The following NLRP12 variants were observed in gnomAD, a reference collection of about 807,000 sequenced individuals.
NLRP12 encodes NACHT, LRR and PYD domains-containing protein 12.
In NLRP12, 108 loss-of-function variants were observed where a neutral mutation model predicts 91.2. That is an observed-to-expected ratio of 1.18 (90% CI 1.01 to 1.39). The LOEUF (loss-of-function observed/expected upper bound fraction) is 1.39. Among genes scored for constraint, NLRP12 ranks in the 40% most tolerant of loss-of-function variants. NLRP12 has a pLI of 0.00. For missense variants in NLRP12, 1,530 were observed against 1,352.7 expected (o/e 1.13, Z -2.06); for synonymous variants, 613 against 566.7 (o/e 1.08, Z -1.16).
At position 53,801,344 on chromosome 19, in the gene NLRP12, A is replaced by G. The variant is rs1362149501; in HGVS notation, c.2639T>C (p.Leu880Pro). Residue 880 changes from leucine (L) to proline (P), a missense_variant, in exon 7 of 10, where the codon CTC becomes CCC. Physicochemically the swap from Leu to Pro is moderately conservative, Grantham distance 98. Coordinates refer to ENST00000324134, the MANE Select transcript of NLRP12 (RefSeq NM_144687.4). The part of the protein sequence containing the change: ...AAACDELAST[L>P]SVNQSLRELD... ...CTCTCTCAGGCTCTGGTTCACACTG[A>G]GAGTTGAGGCCAGCTCGTCACAGGC... 16 of 1,613,516 alleles carry G rather than the reference A, an allele frequency of 9.9e-6. No individual in the cohort carries two copies. Among genetic ancestry groups the G allele is most frequent in the Non-Finnish European group, 1.4e-5 (16 of 1,179,912 alleles).
intron 1 of NLRP12, among the ~76,000 whole-genome samples, chr19:53,823,498 A>AAATATATATAT (rs1568703260): frequency 1.8e-5 from 1 of 56,796 alleles, no homozygotes; most frequent in Non-Finnish European, 3.4e-5. Flanking sequence ...AAATATATTT[A>AAATATATATAT]TTTAAAATAT....
chr19:53,808,041 C>T (rs2091991286), intron 3 of NLRP12: 2 of 355,284 alleles, frequency 5.6e-6, no homozygotes, highest in East Asian at 7.4e-5. Flanking sequence ...TGAGCCACCA[C>T]ATCCGGCCAA....
At chr19:53,822,437 G>A (rs1033287138) in intron 1 of NLRP12, among the ~76,000 whole-genome samples, 1 of 151,738 alleles carries the variant, frequency 6.6e-6, no homozygotes, top group Non-Finnish European at 1.5e-5. Context: ...GGCAACATAA[G>A]GACACCTCAT....
At chr19:53,817,293 G>A (rs2092175580) in intron 1 of NLRP12, among the ~76,000 whole-genome samples, 2 of 152,128 alleles carry the variant, frequency 1.3e-5, no homozygotes, top group African/African-American at 4.8e-5. Context: ...AGCCAGGCAT[G>A]GTGGCGCGTG....
At chr19:53,797,403 A>G (rs8102894) in intron 8 of NLRP12, among the ~76,000 whole-genome samples, 72,169 of 151,690 alleles carry the variant, frequency 0.48, 17,390 homozygotes, top group African/African-American at 0.51. Flanking sequence ...GATTACAGGC[A>G]TGAGCCACTG....
rs771288501 is a variant in NLRP12 at position 53,810,384 on chromosome 19, T to C, written c.1275A>G (p.Arg425=). Residue 425 remains arginine (R), a synonymous_variant, in exon 3 of 10, where the codon AGA becomes AGG. Coordinates refer to ENST00000324134, the MANE Select transcript of NLRP12 (RefSeq NM_144687.4). ...QQQLEGGGLL[R]QTSRTTTAVY... ...CTGCAGTGGTGGTCCTGGACGTCTG[T>C]CTCAACAGCCCCCCACCCTCCAGCT... 20 of 1,613,524 alleles carry C rather than the reference T, an allele frequency of 1.2e-5. No individual in the cohort carries two copies. The highest frequency in any genetic ancestry group is 1.3e-5 in the Non-Finnish European group (15 of 1,179,982).
rs376521503 is a variant in NLRP12, at chr19:53,824,109, A to G, written c.66T>C (p.Ala22=). 1.5e-5 allele frequency: 25 copies of G among 1,613,920 alleles called. No individual in the cohort carries two copies. Among genetic ancestry groups the G allele is most frequent in the Non-Finnish European group, 2.1e-5 (25 of 1,180,010 alleles). The change falls in exon 1 of 10, where the codon GCT becomes GCC. Residue 22 remains alanine, a synonymous_variant. Transcript: ENST00000324134. ...ATAACTTGAACTTCTTCAGTTCCACAGCCTCGAGTTCTTCCAAGTAGGTGG... is the reference window on the plus strand; with the variant it reads ...ATAACTTGAACTTCTTCAGTTCCACGGCCTCGAGTTCTTCCAAGTAGGTGG... ...RLSTYLEELE[A]VELKKFKLYL... is the part of the protein sequence containing the mutation.
Position 53,810,068 on chromosome 19 carries a change from C to T in NLRP12, c.1591G>A (p.Gly531Arg), listed in dbSNP as rs566324385. The change falls in exon 3 of 10, where the codon GGG (glycine) becomes AGG (arginine). Residue 531 changes from glycine to arginine, a missense_variant. Transcript: ENST00000324134. Reference sequence around the variant, plus strand: ...TGGTCTGGGCCTGCCCCGCCCTCCCCCTCGTCCAGGATATAGTACATAGCT... The same window carrying T: ...TGGTCTGGGCCTGCCCCGCCCTCCCTCTCGTCCAGGATATAGTACATAGCT... ...FAAMYYILDE[G>R]EGGAGPDQDV... The T allele has an allele frequency of 3.1e-6, 5 of 1,614,136 alleles. No homozygotes were observed. The South Asian group carries it at 4.4e-5, about 14-fold the overall frequency.
chr19:53,809,756 C>G lies in NLRP12; in HGVS notation c.1903G>C (p.Val635Leu). 6.2e-7 allele frequency: 1 copy of G among 1,614,142 alleles called. No homozygotes were observed. Among genetic ancestry groups the G allele is most frequent in the Non-Finnish European group, 8.5e-7 (1 of 1,180,030 alleles). The change falls in exon 3 of 10, where the codon GTG (valine) becomes CTG (leucine). Residue 635 changes from valine (V) to leucine (L), a missense_variant. Coordinates refer to ENST00000324134, the MANE Select transcript of NLRP12 (RefSeq NM_144687.4). ...FIQQALSHFQ[V>L]IVVSNIASKM... Reference sequence around the variant, plus strand: ...GAGGCAATGTTGCTGACCACGATCACCTGGAAGTGGCTCAGGGCCTGCTGG... The same window carrying G: ...GAGGCAATGTTGCTGACCACGATCAGCTGGAAGTGGCTCAGGGCCTGCTGG...
chr19:53,809,775 C>T lies in NLRP12; in HGVS notation c.1884G>A (p.Gln628=), dbSNP rs745947638. Residue 628 remains glutamine (Q), a synonymous_variant, in exon 3 of 10, where the codon CAG becomes CAA. Coordinates refer to ENST00000324134, the MANE Select transcript of NLRP12 (RefSeq NM_144687.4). The part of the protein sequence containing the change: ...YEIQEEEFIQ[Q]ALSHFQVIVV... Reference sequence around the variant, plus strand: ...CGATCACCTGGAAGTGGCTCAGGGCCTGCTGGATAAACTCCTCCTCCTGGA... The same window carrying T: ...CGATCACCTGGAAGTGGCTCAGGGCTTGCTGGATAAACTCCTCCTCCTGGA... The T allele has an allele frequency of 1.2e-6, 2 of 1,614,102 alleles. No homozygotes were observed. Among genetic ancestry groups the T allele is most frequent in the Non-Finnish European group, 1.7e-6 (2 of 1,180,032 alleles).
rs59179749 is a variant in NLRP12 at position 53,815,225 on chromosome 19, C to CTTTTTT, written c.290-243_290-238dup. On this transcript the variant is annotated intron_variant, in intron 1 of 9. Transcript: ENST00000324134. ...TGGCACCTCCATCCATCCAATCAGTCTTTTTTTTTTTTTTTTTTTTTGAGA... is the reference window on the plus strand; with the variant it reads ...TGGCACCTCCATCCATCCAATCAGTCTTTTTTTTTTTTTTTTTTTTTTTTTTTGAGA... Among the ~76,000 whole-genome samples the CTTTTTT allele has an allele frequency of 2.8e-3, 270 of 96,956 alleles. 8 individuals carry two copies. The highest frequency in any genetic ancestry group is 3.1e-3 in the Non-Finnish European group (161 of 52,304). 63.6% of individuals were successfully genotyped at this position (96,956 alleles called of 152,430 possible). A position where few individuals can be genotyped will look rare whatever the true frequency, so the allele number is the denominator to read the frequency against.
intron 1 of NLRP12, among the ~76,000 whole-genome samples, chr19:53,823,456 A>G (rs1433465390): frequency 5.7e-3 from 83 of 14,472 alleles, no homozygotes; most frequent in African/African-American, 0.016. Flanking sequence ...TTAAATATAT[A>G]TTTTAAATAT....
At chr19:53,816,476 G>A (rs1468762802) in intron 1 of NLRP12, among the ~76,000 whole-genome samples, 3 of 151,462 alleles carry the variant, frequency 2.0e-5, no homozygotes, top group African/African-American at 4.9e-5. Flanking sequence ...TCTTTCCTCT[G>A]TTCAGTGCTG....
At chr19:53,820,391 G>A (rs1016034260) in intron 1 of NLRP12, among the ~76,000 whole-genome samples, 1 of 152,074 alleles carries the variant, frequency 6.6e-6, no homozygotes, top group Non-Finnish European at 1.5e-5. Flanking sequence ...TTAGCTGGGT[G>A]TGGTGGCACG....
At position 53,805,300 on chromosome 19, in the gene NLRP12, C is replaced by G. The variant is rs4806773; in HGVS notation, c.2394G>C (p.Gln798His). The G allele has an allele frequency of 1.2e-6, 2 of 1,613,902 alleles. No homozygotes were observed. The highest frequency in any genetic ancestry group is 1.7e-5 in the Admixed American group (1 of 59,966). ...CTCACTGAATCATCTGCAGCCTGCA[C>G]TGGGGATGCCGCAGGCCCTCGCAAA... is the stretch of plus-strand genomic sequence containing the variant. ...MLLCEGLRHPQCRLQMIQLRK... is the reference protein window; with the variant it reads ...MLLCEGLRHPHCRLQMIQLRK... Residue 798 changes from glutamine to histidine, a missense_variant, in exon 5 of 10, where the codon CAG (glutamine) becomes CAC (histidine). Physicochemically the swap from Gln to His is conservative, Grantham distance 24. Transcript: ENST00000324134.
chr19:53,811,226 C>T lies in NLRP12; in HGVS notation c.433G>A (p.Ala145Thr). The T allele has an allele frequency of 6.2e-7, 1 of 1,614,122 alleles. No individual in the cohort carries two copies. The part of the protein sequence containing the change: ...RKFRLMEDRN[A>T]RLGECVNLSH... Reference sequence around the variant, plus strand: ...AGGTTGACACATTCCCCTAGGCGCGCATTGCGGTCTTCCATGAGCCGGAAT... The same window carrying T: ...AGGTTGACACATTCCCCTAGGCGCGTATTGCGGTCTTCCATGAGCCGGAAT... The change falls in exon 3 of 10, where the codon GCG (alanine) becomes ACG (threonine). Residue 145 changes from alanine (A) to threonine (T), a missense_variant. Physicochemically the swap from Ala to Thr is moderately conservative, Grantham distance 58. Transcript: ENST00000324134.
chr19:53,809,856 GCT>G lies in NLRP12; in HGVS notation c.1801_1802del (p.Ser601ArgfsTer102). 2 of 1,614,072 alleles carry G rather than the reference GCT, an allele frequency of 1.2e-6. No homozygotes were observed. The highest frequency in any genetic ancestry group is 1.7e-6 in the Non-Finnish European group (2 of 1,180,028). On this transcript the variant is annotated frameshift_variant, in exon 3 of 10. Coordinates refer to ENST00000324134, the MANE Select transcript of NLRP12 (RefSeq NM_144687.4). LOFTEE classifies it high-confidence loss of function. ...LLQWIQSKAQ[S>X]DGSTLQQGSL... ...AGCCCTGCTGCAGGGTGGAGCCGTC[GCT>G]CTGAGCTTTGCTTTGGATCCACTGC... is the stretch of plus-strand genomic sequence containing the variant.
In NLRP12 at chr19:53,809,978, G is replaced by A. The variant is rs747435135; in HGVS notation, c.1681C>T (p.Arg561Cys). ...SERSFLALTS[R>C]FLFGLLNEET... ...TCGTTCAGGAGTCCAAACAGGAAGC[G>A]GCTGGTGAGTGCCAGGAAGCTCCTT... is the stretch of plus-strand genomic sequence containing the variant. Residue 561 changes from arginine (R) to cysteine (C), a missense_variant, in exon 3 of 10, where the codon CGC (arginine) becomes TGC (cysteine). Coordinates refer to ENST00000324134, the MANE Select transcript of NLRP12 (RefSeq NM_144687.4). 6.2e-6 allele frequency: 10 copies of A among 1,614,136 alleles called. No homozygotes were observed. Among genetic ancestry groups the A allele is most frequent in the South Asian group, 1.1e-5 (1 of 91,084 alleles).
At chr19:53,804,178 C>T in intron 5 of NLRP12, 56 bp from the exon 6 acceptor site, 1 of 1,566,694 alleles carries the variant, frequency 6.4e-7, no homozygotes, top group African/African-American at 1.4e-5. Flanking sequence ...ATGTCGTGAT[C>T]ACTCATGCTC....
Sources: allele counts gnomAD v4.1 joint callset (sites outside exome capture counted in the v4.1 genomes callset), GRCh38; gene constraint gnomAD v4.1.1; transcripts MANE v1.5; gene names NCBI Gene and HGNC (gene_info 2026-07-23, HGNC 2026-07-21).